ABI2: variants seen among roughly 807,000 people sequenced by gnomAD.
ABI2 encodes abelson interactor 2.
ABI2 carries 25 observed loss-of-function variants against 59.2 expected under a neutral mutation model. The ratio of observed to expected loss-of-function variants is 0.42; its 90% CI spans 0.31 to 0.59. The LOEUF (loss-of-function observed/expected upper bound fraction) is 0.59, where lower values mean the gene tolerates loss of function less well. Among genes scored for constraint, ABI2 ranks in the 20% least tolerant of loss-of-function variants. The pLI, the probability that ABI2 is intolerant of heterozygous loss-of-function variation, is 0.14. For missense variants in ABI2, 545 were observed against 681.8 expected, an observed-to-expected ratio of 0.80 and a Z score of 2.23; for synonymous variants, 213 against 235.5, an observed-to-expected ratio of 0.90 and a Z score of 0.87.
chr2:203,341,355 A>G (rs1381074905), intron 1 of ABI2, among the ~76,000 whole-genome samples: 2 of 152,204 alleles, frequency 1.3e-5, no homozygotes, highest in African/African-American at 4.8e-5. Flanking sequence ...CTCCGTAAAT[A>G]TTCGCTAAAT....
chr2:203,380,388 G>T lies in ABI2; in HGVS notation c.462+4G>T. 1 of 1,492,492 alleles carries T rather than the reference G, an allele frequency of 6.7e-7. No individual in the cohort carries two copies. Among genetic ancestry groups the T allele is most frequent in the East Asian group, 2.5e-5 (1 of 39,450 alleles). The allele number at this position is 1,492,492 out of a possible 1,614,324, so 92.5% of individuals were successfully genotyped here. ...TGATATTGGACATGGAGTAAAGGTA[G>T]GTATAATTTTTTTCAAGCTTTTAAA... is the stretch of plus-strand genomic sequence containing the variant. On this transcript the variant is annotated splice_donor_region_variant and intron_variant, in intron 3 of 11. Coordinates refer to ENST00000261018, the MANE Select transcript of ABI2 (RefSeq NM_001375670.1).
intron 1 of ABI2, among the ~76,000 whole-genome samples, chr2:203,342,712 ACTG>A (rs2080781111): frequency 6.6e-6 from 1 of 151,712 alleles, no homozygotes; most frequent in Non-Finnish European, 1.5e-5. Flanking sequence ...CCTTAGTACT[ACTG>A]CTGGGATTAC....
At chr2:203,426,538 A>G (rs60676560) in intron 11 of ABI2, among the ~76,000 whole-genome samples, 6 of 152,270 alleles carry the variant, frequency 3.9e-5, no homozygotes, top group African/African-American at 1.4e-4. Context: ...TTAGTCTGTT[A>G]TTATAGTTAT....
chr2:203,394,776 C>T lies in ABI2; in HGVS notation c.655C>T (p.Arg219Cys), dbSNP rs761783921. The T allele has an allele frequency of 3.7e-6, 6 of 1,614,112 alleles. No homozygotes were observed. Among genetic ancestry groups the T allele is most frequent in the South Asian group, 1.1e-5 (1 of 91,080 alleles). Reference protein sequence around the residue: ...VPNDYVPSPTRNMAPSQQSPV... With the variant: ...VPNDYVPSPTCNMAPSQQSPV... ...AAATGATTACGTACCTAGCCCAACC[C>T]GTAATATGGCTCCCTCGCAGCAGAG... is the stretch of plus-strand genomic sequence containing the variant. Residue 219 changes from arginine (R) to cysteine (C), a missense_variant, in exon 6 of 12, where the codon CGT becomes TGT. By Grantham distance (180) the Arg-to-Cys change is radical. Transcript: ENST00000261018.
In ABI2 at chr2:203,402,625, T is replaced by A. The variant is rs2097268298; in HGVS notation, c.1083T>A (p.Thr361=). 9.3e-6 allele frequency: 15 copies of A among 1,604,916 alleles called. No homozygotes were observed. Among genetic ancestry groups the A allele is most frequent in the Non-Finnish European group, 1.3e-5 (15 of 1,176,962 alleles). The stretch of plus-strand genomic sequence containing the variant: ...TGAATAGGCCTGCCTCTCGCCATAC[T>A]CCCCCAACAATAGGGGGCTCGTTGC... The part of the protein sequence containing the change: ...YSMNRPASRH[T]PPTIGGSLPY... Residue 361 remains threonine, a synonymous_variant, in exon 9 of 12, where the codon ACT becomes ACA. Transcript: ENST00000261018.
At chr2:203,367,959 T>C (rs2094630901) in intron 2 of ABI2, among the ~76,000 whole-genome samples, 1 of 151,988 alleles carries the variant, frequency 6.6e-6, no homozygotes, top group Non-Finnish European at 1.5e-5. Flanking sequence ...GAGCTGTGAT[T>C]ATGACATGCC....
At chr2:203,370,382 C>A (rs902882302) in intron 2 of ABI2, among the ~76,000 whole-genome samples, 1 of 151,858 alleles carries the variant, frequency 6.6e-6, no homozygotes, top group Non-Finnish European at 1.5e-5. Flanking sequence ...GCCACCATGC[C>A]CAGCAAAGAG....
intron 10 of ABI2, among the ~76,000 whole-genome samples, chr2:203,412,223 A>C (rs979171473): frequency 2.0e-5 from 3 of 152,196 alleles, no homozygotes; most frequent in African/African-American, 7.2e-5. Flanking sequence ...GGAAATGGGC[A>C]CTGCCAGTAC....
intron 9 of ABI2, among the ~76,000 whole-genome samples, chr2:203,409,725 C>T (rs2097577346): frequency 6.6e-6 from 1 of 152,158 alleles, no homozygotes; most frequent in African/African-American, 2.4e-5. Context: ...TTAGGCTTTC[C>T]ACATCCATTG....
intron 4 of ABI2, among the ~76,000 whole-genome samples, chr2:203,387,887 T>C (rs1389269824): frequency 1.3e-5 from 2 of 152,150 alleles, no homozygotes; most frequent in Non-Finnish European, 1.5e-5. Flanking sequence ...CATCAGCACA[T>C]AGAGATCTCA....
intron 6 of ABI2, among the ~76,000 whole-genome samples, chr2:203,395,448 T>TATATATATATATATATATAC (rs750379504): frequency 5.2e-5 from 6 of 115,316 alleles, no homozygotes; most frequent in Non-Finnish European, 1.1e-4. Flanking sequence ...TATATATATA[T>TATATATATATATATATATAC]ACACACACAC....
chr2:203,412,397 T>C (rs2097715497), intron 10 of ABI2, among the ~76,000 whole-genome samples: 1 of 152,228 alleles, frequency 6.6e-6, no homozygotes, highest in Non-Finnish European at 1.5e-5. Flanking sequence ...CACATTCTTC[T>C]AGATGTGGTT....
chr2:203,348,863 T>A (rs996255877), intron 1 of ABI2, among the ~76,000 whole-genome samples: 1 of 152,066 alleles, frequency 6.6e-6, no homozygotes, highest in East Asian at 1.9e-4. Context: ...AATTAAAAAT[T>A]TTTTTAAAAA....
chr2:203,349,011 C>T (rs1364308329), intron 1 of ABI2, among the ~76,000 whole-genome samples: 5 of 152,060 alleles, frequency 3.3e-5, no homozygotes, highest in Admixed American at 3.3e-4. Flanking sequence ...CGGCTCACTG[C>T]AGCCTCTACC....
In ABI2 at chr2:203,396,857, C is replaced by G. The variant is rs893358123; in HGVS notation, c.923C>G (p.Ala308Gly). The G allele has an allele frequency of 1.3e-5, 20 of 1,535,118 alleles. No individual in the cohort carries two copies. The highest frequency in any genetic ancestry group is 3.3e-4 in the Middle Eastern group (2 of 6,010). Residue 308 changes from alanine to glycine, a missense_variant, in exon 8 of 12, where the codon GCT (alanine) becomes GGT (glycine). Coordinates refer to ENST00000261018, the MANE Select transcript of ABI2 (RefSeq NM_001375670.1). ...SASAPAPLVP[A>G]TVPSSTAPDA... ...TCTGCCCCTGCTCCTCTTGTTCCTG[C>G]TACTGTCCCTTCCTCCACTGCCCCA...
chr2:203,419,913 C>A (rs140942058), intron 11 of ABI2, among the ~76,000 whole-genome samples: 3,094 of 152,166 alleles, frequency 0.02, 81 homozygotes, highest in East Asian at 0.092. Context: ...ACTTGAACTC[C>A]AGAGGCGGAG....
At chr2:203,357,100 T>A (rs7563826) in intron 1 of ABI2, among the ~76,000 whole-genome samples, 111,985 of 152,078 alleles carry the variant, frequency 0.74, 42,362 homozygotes, top group Middle Eastern at 0.87. Flanking sequence ...ACACTCAATT[T>A]TTTCCTAATA....
chr2:203,385,158 A>AGT lies in ABI2; in HGVS notation c.480+2953_480+2954dup, dbSNP rs374589375. On this transcript the variant is annotated intron_variant, in intron 4 of 11. Coordinates refer to ENST00000261018, the MANE Select transcript of ABI2 (RefSeq NM_001375670.1). ...CAGATTCTTTTTTTTTTTTTGAGAC[A>AGT]GTCTTGCCGTTGCCCAGGCTGGAGT... 9.1e-4 allele frequency among the ~76,000 whole-genome samples: 9 copies of AGT among 9,928 alleles called. 1 individual carries two copies. The South Asian group carries it at 0.018, about 20-fold the overall frequency. The allele number at this position is 9,928 out of a possible 152,430, so 6.5% of individuals were successfully genotyped here. A position where few individuals can be genotyped will look rare whatever the true frequency, so the allele number is the denominator to read the frequency against.
At chr2:203,419,703 C>T (rs943187063) in intron 11 of ABI2, among the ~76,000 whole-genome samples, 5 of 151,916 alleles carry the variant, frequency 3.3e-5, no homozygotes, top group Non-Finnish European at 7.4e-5. Flanking sequence ...TGTGGTTTGC[C>T]TTGTTTAATA....
Sources: gnomAD v4.1 joint callset for allele counts (sites outside exome capture counted in the v4.1 genomes callset) on GRCh38, gnomAD v4.1.1 for gene constraint, MANE v1.5 for transcripts, NCBI Gene and HGNC (gene_info 2026-07-23, HGNC 2026-07-21) for gene names.